The following PAXIP1 variants were observed in gnomAD, a reference collection of about 807,000 sequenced individuals.
The protein encoded by PAXIP1 is PAX interacting protein 1.
Under a neutral mutation model 140.6 loss-of-function variants are expected in PAXIP1, and 19 were observed. The observed-to-expected ratio is 0.14, with a 90% CI of 0.09 to 0.20. PAXIP1 has a LOEUF of 0.20. Among genes scored for constraint, PAXIP1 ranks in the 10% least tolerant of loss-of-function variants. The pLI is 1.00. For synonymous variants in PAXIP1, 442 were observed against 444.6 expected (o/e 0.99, Z 0.07); for missense variants, 920 against 1,208.6 (o/e 0.76, Z 3.54).
At chr7:155,002,640 G>A (rs1810968342) in intron 1 of PAXIP1, among the ~76,000 whole-genome samples, 1 of 151,632 alleles carries the variant, frequency 6.6e-6, no homozygotes, top group South Asian at 2.1e-4. Context: ...AGCCCCAGCC[G>A]CCTTCCCTCC....
chr7:154,981,384 T>C (rs1370380304), intron 5 of PAXIP1, among the ~76,000 whole-genome samples: 1 of 152,200 alleles, frequency 6.6e-6, no homozygotes, highest in African/African-American at 2.4e-5. Flanking sequence ...AAAATAGTAG[T>C]TCATTTTTCC....
At chr7:154,969,740 C>T (rs746950162) in intron 6 of PAXIP1, among the ~76,000 whole-genome samples, 57 of 152,146 alleles carry the variant, frequency 3.7e-4, no homozygotes, top group Non-Finnish European at 6.5e-4. Flanking sequence ...AAGAGCCTTT[C>T]GCTCCACTGT....
Position 154,948,045 on chromosome 7 carries a change from G to A in PAXIP1, c.2822-42C>T, listed in dbSNP as rs189611249. 3.8e-4 allele frequency: 525 copies of A among 1,370,520 alleles called. 1 individual carries two copies. Among genetic ancestry groups the A allele is most frequent in the Non-Finnish European group, 5.1e-4 (492 of 958,250 alleles). 84.9% of individuals were successfully genotyped at this position (1,370,520 alleles called of 1,614,324 possible). ...CACATACTCTGAAAAGTGTGGACACGTGAAGTGTGGCAAGTGTGACCCACA... is the reference window on the plus strand; with the variant it reads ...CACATACTCTGAAAAGTGTGGACACATGAAGTGTGGCAAGTGTGACCCACA... On this transcript the variant is annotated intron_variant, in intron 16 of 20. Transcript: ENST00000404141.
intron 8 of PAXIP1, among the ~76,000 whole-genome samples, chr7:154,966,695 T>C (rs1409839491): frequency 3.3e-5 from 5 of 152,220 alleles, no homozygotes; most frequent in African/African-American, 7.2e-5. Context: ...CCCTGGCACA[T>C]GCCATCCGCC....
At chr7:154,948,749 C>T (rs1421654755) in intron 16 of PAXIP1, 1 of 151,294 alleles carries the variant, frequency 6.6e-6, no homozygotes, top group Non-Finnish European at 1.5e-5. Context: ...CAAATAATCC[C>T]ATCCAAGTGT....
chr7:154,996,979 T>A (rs1810656702), intron 2 of PAXIP1, among the ~76,000 whole-genome samples: 1 of 152,150 alleles, frequency 6.6e-6, no homozygotes, highest in African/African-American at 2.4e-5. Flanking sequence ...GCCGCTTTAC[T>A]GAGACAATAG....
chr7:154,997,649 T>C (rs1810697804), intron 2 of PAXIP1, among the ~76,000 whole-genome samples: 1 of 152,218 alleles, frequency 6.6e-6, no homozygotes, highest in South Asian at 2.1e-4. Context: ...TCAACTAACT[T>C]ATCAGCCATA....
At position 154,943,945 on chromosome 7, in the gene PAXIP1, A is replaced by G; in HGVS notation, c.*204T>C. On this transcript the variant is annotated 3_prime_UTR_variant, in exon 21 of 21. Coordinates refer to ENST00000404141, the MANE Select transcript of PAXIP1 (RefSeq NM_007349.4). ...CTCTTAAAGTCATATAATACAAAAC[A>G]TAATTTATGTTTCCTCAGAATAAAA... 1.6e-6 allele frequency: 1 copy of G among 612,948 alleles called. No homozygotes were observed. The highest frequency in any genetic ancestry group is 3.1e-6 in the Non-Finnish European group (1 of 326,992). The allele number at this position is 612,948 out of a possible 1,614,324, so 38.0% of individuals were successfully genotyped here.
rs557254564 is a variant in PAXIP1, at chr7:154,956,106, G to A, written c.2550-475C>T. On this transcript the variant is annotated intron_variant, in intron 14 of 20. Coordinates refer to ENST00000404141, the MANE Select transcript of PAXIP1 (RefSeq NM_007349.4). This position sits in a 1 kb window ranked among gnomAD's most constrained non-coding sequence, Gnocchi z 4.2. ...GACGAGTGTCGCTAGAGCTTCCAGTGTCTTTCACATTCTAGCCCTCTTCAA... is the reference window on the plus strand; with the variant it reads ...GACGAGTGTCGCTAGAGCTTCCAGTATCTTTCACATTCTAGCCCTCTTCAA... Among the ~76,000 whole-genome samples, 1 of 152,320 alleles carries A rather than the reference G, an allele frequency of 6.6e-6. No homozygotes were observed. The highest frequency in any genetic ancestry group is 1.5e-5 in the Non-Finnish European group (1 of 68,028).
chr7:154,987,315 C>T (rs1357234342), intron 4 of PAXIP1, among the ~76,000 whole-genome samples: 3 of 152,184 alleles, frequency 2.0e-5, no homozygotes, highest in African/African-American at 7.2e-5. Flanking sequence ...CTATCTTCTA[C>T]CAATTTATGC....
In PAXIP1 at chr7:154,946,348, T is replaced by C. The variant is rs1271085277; in HGVS notation, c.3194+17A>G. The C allele has an allele frequency of 6.2e-7, 1 of 1,613,906 alleles. No homozygotes were observed. Among genetic ancestry groups the C allele is most frequent in the Non-Finnish European group, 8.5e-7 (1 of 1,179,802 alleles). On this transcript the variant is annotated intron_variant, in intron 20 of 20. Coordinates refer to ENST00000404141, the MANE Select transcript of PAXIP1 (RefSeq NM_007349.4). The surrounding 1 kb of genome is among the most constrained non-coding windows in gnomAD (Gnocchi z 4.9). Reference sequence around the variant, plus strand: ...ATCTAACCCGTCTACTTTTTAATTCTCTTTTGGAAAGGATATGATTCATAG... The same window carrying C: ...ATCTAACCCGTCTACTTTTTAATTCCCTTTTGGAAAGGATATGATTCATAG...
At chr7:154,966,636 A>G (rs973809177) in intron 8 of PAXIP1, among the ~76,000 whole-genome samples, 2 of 152,192 alleles carry the variant, frequency 1.3e-5, no homozygotes, top group Admixed American at 1.3e-4. Context: ...TCTGACTTTT[A>G]AAAAATCTCT....
intron 14 of PAXIP1, 64 bp from the exon 15 acceptor site, chr7:154,955,695 T>C (rs1808475355): frequency 4.3e-6 from 4 of 936,156 alleles, no homozygotes; most frequent in Non-Finnish European, 1.6e-6. Context: ...AAATTTTCTT[T>C]AGAAAACAAG....
chr7:154,969,025 C>T lies in PAXIP1; in HGVS notation c.1176G>A (p.Val392=). Residue 392 remains valine, a synonymous_variant, in exon 7 of 21, where the codon GTG becomes GTA. Coordinates refer to ENST00000404141, the MANE Select transcript of PAXIP1 (RefSeq NM_007349.4). ...TNANAVLFSQ[V]KVTPETHMLQ... is the part of the protein sequence containing the mutation. ...GCATGTGTGTCTCTGGAGTCACTTTCACTTGGCTAAACAGCACTGCATTGG... is the reference window on the plus strand; with the variant it reads ...GCATGTGTGTCTCTGGAGTCACTTTTACTTGGCTAAACAGCACTGCATTGG... 6.5e-7 allele frequency: 1 copy of T among 1,550,150 alleles called. No individual in the cohort carries two copies. The highest frequency in any genetic ancestry group is 8.7e-7 in the Non-Finnish European group (1 of 1,146,222).
intron 8 of PAXIP1, chr7:154,967,408 T>C (rs575044942): frequency 1.9e-3 from 309 of 159,158 alleles, no homozygotes; most frequent in Non-Finnish European, 2.9e-3. Context: ...AGTTTCACAA[T>C]TGGGCTGGAA....
At chr7:154,994,064 G>T (rs1810468447) in intron 2 of PAXIP1, among the ~76,000 whole-genome samples, 1 of 152,010 alleles carries the variant, frequency 6.6e-6, no homozygotes, top group African/African-American at 2.4e-5. Context: ...TAGGACAGGG[G>T]AACTGCCACC....
At position 154,946,338 on chromosome 7, in the gene PAXIP1, T is replaced by C; in HGVS notation, c.3194+27A>G. 6.2e-7 allele frequency: 1 copy of C among 1,613,802 alleles called. No homozygotes were observed. Among genetic ancestry groups the C allele is most frequent in the Non-Finnish European group, 8.5e-7 (1 of 1,179,744 alleles). ...TCCATTTCATATCTAACCCGTCTACTTTTTAATTCTCTTTTGGAAAGGATA... is the reference window on the plus strand; with the variant it reads ...TCCATTTCATATCTAACCCGTCTACCTTTTAATTCTCTTTTGGAAAGGATA... On this transcript the variant is annotated intron_variant, in intron 20 of 20. Coordinates refer to ENST00000404141, the MANE Select transcript of PAXIP1 (RefSeq NM_007349.4). This position sits in a 1 kb window ranked among gnomAD's most constrained non-coding sequence, Gnocchi z 4.9.
At chr7:154,996,963 T>C (rs1431248146) in intron 2 of PAXIP1, among the ~76,000 whole-genome samples, 1 of 152,142 alleles carries the variant, frequency 6.6e-6, no homozygotes, top group Admixed American at 6.5e-5. Context: ...GCATAAGATA[T>C]GCAAAGCCGC....
At chr7:154,999,776 A>T (rs150643375) in intron 1 of PAXIP1, among the ~76,000 whole-genome samples, 12 of 152,118 alleles carry the variant, frequency 7.9e-5, no homozygotes, top group African/African-American at 2.9e-4. Flanking sequence ...CTAGGAAAAG[A>T]TGTGGATCTC....
Sources: allele counts gnomAD v4.1 joint callset (sites outside exome capture counted in the v4.1 genomes callset), GRCh38; gene constraint gnomAD v4.1.1; non-coding constraint Gnocchi (gnomAD v3.1); transcripts MANE v1.5; gene names NCBI Gene and HGNC (gene_info 2026-07-23, HGNC 2026-07-21).